HDAC4: variants seen among roughly 807,000 people sequenced by gnomAD.
The protein encoded by HDAC4 is histone deacetylase A.
Under a neutral mutation model 135.1 loss-of-function variants are expected in HDAC4, and 16 were observed. That is an observed-to-expected ratio of 0.12 (90% confidence interval 0.08 to 0.18). The LOEUF is 0.18. Ranked by LOEUF, HDAC4 falls within the 10% of genes least tolerant of loss-of-function variation. The pLI is 1.00. For missense variants in HDAC4, 1,143 were observed against 1,511.8 expected, an observed-to-expected ratio of 0.76 and a Z score of 4.05; for synonymous variants, 685 against 653.4, an observed-to-expected ratio of 1.05 and a Z score of -0.74.
At chr2:239,334,286 G>A (rs943955404) in intron 2 of HDAC4, among the ~76,000 whole-genome samples, 2 of 152,084 alleles carry the variant, frequency 1.3e-5, no homozygotes, top group Admixed American at 6.5e-5. Flanking sequence ...TTGGGAGGCC[G>A]AGGAGGACGG....
chr2:239,168,967 G>A (rs891744240), intron 5 of HDAC4, among the ~76,000 whole-genome samples: 5 of 152,210 alleles, frequency 3.3e-5, no homozygotes, highest in Admixed American at 1.3e-4. Context: ...GGTGGACGGC[G>A]CTTCGGATGC....
chr2:239,242,303 G>A (rs1404051599), intron 2 of HDAC4, among the ~76,000 whole-genome samples: 3 of 152,020 alleles, frequency 2.0e-5, no homozygotes, highest in South Asian at 2.1e-4. Context: ...CATTTTGAGA[G>A]AAGATAATCT....
At chr2:239,164,003 G>A in intron 5 of HDAC4, 80 bp from the exon 6 acceptor site, 1 of 1,562,480 alleles carries the variant, frequency 6.4e-7, no homozygotes, top group Admixed American at 1.7e-5. Flanking sequence ...GGGCCACAGA[G>A]GGAGGGAAGG....
chr2:239,248,467 G>A (rs2048596776), intron 2 of HDAC4, among the ~76,000 whole-genome samples: 2 of 152,106 alleles, frequency 1.3e-5, no homozygotes, highest in South Asian at 2.1e-4. Context: ...GGCATGAGCT[G>A]CAGAGCCCGG....
At chr2:239,172,366 G>A (rs920575460) in intron 5 of HDAC4, among the ~76,000 whole-genome samples, 7 of 150,506 alleles carry the variant, frequency 4.7e-5, no homozygotes, top group Non-Finnish European at 7.4e-5. Flanking sequence ...TAGAATAGTT[G>A]AGATAATTAT....
At chr2:239,074,909 C>T (rs1354562338) in intron 22 of HDAC4, among the ~76,000 whole-genome samples, 1 of 152,090 alleles carries the variant, frequency 6.6e-6, no homozygotes, top group East Asian at 1.9e-4. Flanking sequence ...ATTTTATTCC[C>T]AGAATTAAAC....
At chr2:239,297,654 C>T (rs1309281315) in intron 2 of HDAC4, among the ~76,000 whole-genome samples, 6 of 152,302 alleles carry the variant, frequency 3.9e-5, no homozygotes, top group East Asian at 3.9e-4. Flanking sequence ...CCAATGGTAG[C>T]GCCCATCACA....
chr2:239,375,946 G>A (rs1238878763), intron 1 of HDAC4, among the ~76,000 whole-genome samples: 2 of 152,238 alleles, frequency 1.3e-5, no homozygotes, highest in Non-Finnish European at 2.9e-5. Context: ...CCTGGACCAC[G>A]TCATGTCCTG....
chr2:239,082,498 C>T (rs754418468), intron 20 of HDAC4, among the ~76,000 whole-genome samples: 117 of 152,246 alleles, frequency 7.7e-4, no homozygotes, highest in Non-Finnish European at 2.4e-4. Flanking sequence ...CTGACTCCAG[C>T]AGCCGATGGG....
intron 2 of HDAC4, among the ~76,000 whole-genome samples, chr2:239,351,535 G>A (rs1156954388): frequency 2.6e-5 from 4 of 152,158 alleles, no homozygotes; most frequent in African/African-American, 4.8e-5. Flanking sequence ...GAGCCATAGC[G>A]CTTAATTTTG....
chr2:239,277,951 C>A (rs1284883559), intron 2 of HDAC4, among the ~76,000 whole-genome samples: 13 of 115,592 alleles, frequency 1.1e-4, no homozygotes, highest in African/African-American at 3.5e-4. Flanking sequence ...CAGCCACACA[C>A]TCGGCTCCCC....
At chr2:239,341,101 A>G (rs1345521292) in intron 2 of HDAC4, among the ~76,000 whole-genome samples, 2 of 152,210 alleles carry the variant, frequency 1.3e-5, no homozygotes, top group Non-Finnish European at 2.9e-5. Context: ...TCTGCTTTCC[A>G]TGTCTCCAGT....
intron 1 of HDAC4, among the ~76,000 whole-genome samples, chr2:239,388,789 C>A (rs1418423420): frequency 6.6e-6 from 1 of 152,236 alleles, no homozygotes; most frequent in Non-Finnish European, 1.5e-5. Context: ...CAGTCATCAG[C>A]GGAGGGAGTG....
chr2:239,174,852 G>A (rs895945025), intron 5 of HDAC4, among the ~76,000 whole-genome samples: 2 of 152,222 alleles, frequency 1.3e-5, no homozygotes, highest in African/African-American at 2.4e-5. Context: ...AATTTCACAA[G>A]CATAATGTCC....
At chr2:239,085,040 AG>A (rs2035792176) in intron 19 of HDAC4, among the ~76,000 whole-genome samples, 1 of 118,494 alleles carries the variant, frequency 8.4e-6, no homozygotes, top group African/African-American at 3.6e-5. Context: ...TGAGACAGAC[AG>A]ACACACACAC....
At chr2:239,120,587 G>A (rs1195208827) in intron 12 of HDAC4, among the ~76,000 whole-genome samples, 13 of 137,278 alleles carry the variant, frequency 9.5e-5, no homozygotes, top group African/African-American at 2.4e-4. Flanking sequence ...GGGAGAAGGA[G>A]GAAGGTGGGG....
At chr2:239,249,141 C>T (rs1385205863) in intron 2 of HDAC4, among the ~76,000 whole-genome samples, 2 of 152,192 alleles carry the variant, frequency 1.3e-5, no homozygotes, top group Non-Finnish European at 2.9e-5. Context: ...GTGGGATCAA[C>T]GATCCCAACG....
chr2:239,269,277 CCA>C (rs971141247), intron 2 of HDAC4, among the ~76,000 whole-genome samples: 4 of 134,430 alleles, frequency 3.0e-5, no homozygotes, highest in East Asian at 2.0e-4. Flanking sequence ...ATTCACACAC[CCA>C]CACACATTCA....
At position 239,089,962 on chromosome 2, in the gene HDAC4, T is replaced by C. The variant is rs933567615; in HGVS notation, c.2388+47A>G. 7.2e-6 allele frequency: 10 copies of C among 1,385,500 alleles called. No individual in the cohort carries two copies. In the African/African-American group the frequency reaches 1.3e-4, roughly 18 times the overall value. 85.8% of individuals were successfully genotyped at this position (1,385,500 alleles called of 1,614,324 possible). On this transcript the variant is annotated intron_variant, in intron 18 of 26. Coordinates refer to ENST00000543185, the MANE Select transcript of HDAC4 (RefSeq NM_001378414.1). The stretch of plus-strand genomic sequence containing the variant: ...GCGGCCCCTCCCCACACTGGGAATC[T>C]ATGGCAGGCCTCCTGGAGGGCCACC...
Sources: allele counts gnomAD v4.1 joint callset (sites outside exome capture counted in the v4.1 genomes callset), GRCh38; gene constraint gnomAD v4.1.1; transcripts MANE v1.5; gene names NCBI Gene and HGNC (gene_info 2026-07-23, HGNC 2026-07-21).